The following STUM variants were observed in gnomAD, a reference collection of about 807,000 sequenced individuals.
The protein encoded by STUM is protein stum homolog.
STUM carries 8 observed loss-of-function variants against 15.3 expected under a neutral mutation model. The observed-to-expected ratio is 0.52, with a 90% CI of 0.31 to 0.94. The LOEUF is 0.94. STUM is among the 40% of genes least tolerant of loss of function. STUM has a pLI of 0.05. For synonymous variants in STUM, 78 were observed against 88.7 expected (o/e 0.88, Z 0.68); for missense variants, 142 against 204.9 (o/e 0.69, Z 1.87).
chr1:226,600,685 G>A lies in STUM; in HGVS notation c.391+11G>A, dbSNP rs776737404. ...CTGCAGTTTCCCAAGGTGAGTCTGC[G>A]GATGGACGTGCGGGCCTCGTGCTGC... On this transcript the variant is annotated intron_variant, in intron 3 of 3. Coordinates refer to ENST00000366788, the MANE Select transcript of STUM (RefSeq NM_001003665.4). The surrounding 1 kb of genome is among the most constrained non-coding windows in gnomAD (Gnocchi z 5.2). 22 of 1,610,378 alleles carry A rather than the reference G, an allele frequency of 1.4e-5. No homozygotes were observed. Among genetic ancestry groups the A allele is most frequent in the Non-Finnish European group, 1.6e-5 (19 of 1,180,000 alleles).
At chr1:226,601,761 C>T (rs1283470291) in intron 3 of STUM, among the ~76,000 whole-genome samples, 1 of 152,186 alleles carries the variant, frequency 6.6e-6, no homozygotes, top group Non-Finnish European at 1.5e-5. Flanking sequence ...CTTTTAGCTC[C>T]CACCCCAAAT....
chr1:226,592,911 C>T (rs180770909), intron 1 of STUM, among the ~76,000 whole-genome samples: 43 of 152,264 alleles, frequency 2.8e-4, no homozygotes, highest in African/African-American at 8.2e-4. Context: ...GCCACTTGGG[C>T]GCGGTGGCTC....
chr1:226,560,349 C>T (rs1367496370), intron 1 of STUM, among the ~76,000 whole-genome samples: 1 of 152,092 alleles, frequency 6.6e-6, no homozygotes, highest in Non-Finnish European at 1.5e-5. Context: ...ACCTTTTTGC[C>T]GTTGCTGTCT....
chr1:226,601,070 C>G (rs1002469199), intron 3 of STUM, among the ~76,000 whole-genome samples: 1 of 152,114 alleles, frequency 6.6e-6, no homozygotes, highest in East Asian at 1.9e-4. Flanking sequence ...AATAACCGCT[C>G]GGCAAATTCT....
At chr1:226,577,385 T>A (rs1019744063) in intron 1 of STUM, among the ~76,000 whole-genome samples, 3 of 152,056 alleles carry the variant, frequency 2.0e-5, no homozygotes, top group Non-Finnish European at 4.4e-5. Flanking sequence ...AGAAATCTAG[T>A]ACAGCTCGAG....
Position 226,609,219 on chromosome 1 carries a change from T to A in STUM, c.*7179T>A, listed in dbSNP as rs971588615. On this transcript the variant is annotated 3_prime_UTR_variant, in exon 4 of 4. Transcript: ENST00000366788. ...ATAAACATTCATGTGACCTTTCTGGTAGTTTCTCAAATCCCTGTGTCCTCC... is the reference window on the plus strand; with the variant it reads ...ATAAACATTCATGTGACCTTTCTGGAAGTTTCTCAAATCCCTGTGTCCTCC... 6.6e-6 allele frequency: 1 copy of A among 152,186 alleles called. No individual in the cohort carries two copies. The highest frequency in any genetic ancestry group is 2.4e-5 in the African/African-American group (1 of 41,430). The allele number at this position is 152,186 out of a possible 1,614,324, so 9.4% of individuals were successfully genotyped here. A position where few individuals can be genotyped will look rare whatever the true frequency, so the allele number is the denominator to read the frequency against.
Position 226,567,251 on chromosome 1 carries a change from C to T in STUM, c.202+18145C>T, listed in dbSNP as rs750300131. Among the ~76,000 whole-genome samples the T allele has an allele frequency of 2.0e-4, 31 of 152,162 alleles. No individual in the cohort carries two copies. Among genetic ancestry groups the T allele is most frequent in the Non-Finnish European group, 4.0e-4 (27 of 68,028 alleles). ...TTTCAAAAAGCCTTTGAAGACTGTCCGTCCTGGAGCTATCCAACGGGTGGT... is the reference window on the plus strand; with the variant it reads ...TTTCAAAAAGCCTTTGAAGACTGTCTGTCCTGGAGCTATCCAACGGGTGGT... On this transcript the variant is annotated intron_variant, in intron 1 of 3. Coordinates refer to ENST00000366788, the MANE Select transcript of STUM (RefSeq NM_001003665.4). This position sits in a 1 kb window ranked among gnomAD's most constrained non-coding sequence, Gnocchi z 4.5.
At chr1:226,595,031 G>A (rs1362086770) in intron 1 of STUM, among the ~76,000 whole-genome samples, 1 of 152,162 alleles carries the variant, frequency 6.6e-6, no homozygotes, top group African/African-American at 2.4e-5. Context: ...GGTTGACTGC[G>A]AGCTGCAGAG....
chr1:226,561,066 C>G (rs949251708), intron 1 of STUM, among the ~76,000 whole-genome samples: 1 of 152,134 alleles, frequency 6.6e-6, no homozygotes. Context: ...TGCCCTCTTC[C>G]GAAAGCCTTT....
chr1:226,602,350 T>G lies in STUM; in HGVS notation c.*310T>G. 5.1e-6 allele frequency: 2 copies of G among 393,896 alleles called. No individual in the cohort carries two copies. The highest frequency in any genetic ancestry group is 9.4e-6 in the Non-Finnish European group (2 of 213,564). 24.4% of individuals were successfully genotyped at this position (393,896 alleles called of 1,614,324 possible). On this transcript the variant is annotated 3_prime_UTR_variant, in exon 4 of 4. Coordinates refer to ENST00000366788, the MANE Select transcript of STUM (RefSeq NM_001003665.4). ...CGGCAGGCTCCAACTGGCCTTGCTG[T>G]ACCCACTGCCCACCGCAAAGGCACG...
intron 3 of STUM, among the ~76,000 whole-genome samples, chr1:226,601,147 G>C (rs912694137): frequency 1.3e-5 from 2 of 151,562 alleles, no homozygotes; most frequent in African/African-American, 4.9e-5. Flanking sequence ...CTTCTTTTGA[G>C]ACAGAGTCTT....
At chr1:226,564,847 C>T (rs989020510) in intron 1 of STUM, among the ~76,000 whole-genome samples, 1 of 152,182 alleles carries the variant, frequency 6.6e-6, no homozygotes, top group South Asian at 2.1e-4. Context: ...AGCGCTTAGC[C>T]TGATGCATCT....
intron 1 of STUM, among the ~76,000 whole-genome samples, chr1:226,581,119 T>G (rs1015301507): frequency 6.6e-6 from 1 of 152,220 alleles, no homozygotes; most frequent in Non-Finnish European, 1.5e-5. Context: ...GGATTTAGTT[T>G]GGAGATGACC....
rs1668252023 is a variant in STUM, at chr1:226,600,837, G to T, written c.391+163G>T. 6.6e-6 allele frequency among the ~76,000 whole-genome samples: 1 copy of T among 151,852 alleles called. No individual in the cohort carries two copies. The highest frequency in any genetic ancestry group is 1.5e-5 in the Non-Finnish European group (1 of 68,024). On this transcript the variant is annotated intron_variant, in intron 3 of 3. Coordinates refer to ENST00000366788, the MANE Select transcript of STUM (RefSeq NM_001003665.4). This position sits in a 1 kb window ranked among gnomAD's most constrained non-coding sequence, Gnocchi z 5.2. The stretch of plus-strand genomic sequence containing the variant: ...TTGGTTTGGAAAATGCTTAAACATA[G>T]ACAAAAGTAGAGCCCCTAGTAAAAT...
At chr1:226,560,956 T>C (rs1028000239) in intron 1 of STUM, among the ~76,000 whole-genome samples, 23 of 152,286 alleles carry the variant, frequency 1.5e-4, no homozygotes, top group Non-Finnish European at 3.1e-4. Context: ...TGTAGGCCTT[T>C]ATTTGGGAGC....
At chr1:226,579,775 A>G in intron 1 of STUM, among the ~76,000 whole-genome samples, 1 of 152,014 alleles carries the variant, frequency 6.6e-6, no homozygotes, top group South Asian at 2.1e-4. Context: ...CTACAGGCAC[A>G]TGCCACTGCC....
chr1:226,596,007 TG>T (rs902207991), intron 1 of STUM, among the ~76,000 whole-genome samples: 4 of 152,144 alleles, frequency 2.6e-5, no homozygotes, highest in Non-Finnish European at 5.9e-5. Flanking sequence ...TCTGCACGGT[TG>T]TTGTCAGGAG....
intron 1 of STUM, among the ~76,000 whole-genome samples, chr1:226,590,077 T>C (rs1668061328): frequency 8.4e-6 from 1 of 118,364 alleles, no homozygotes. Flanking sequence ...AAACTTTGCT[T>C]TGGATCCCTT....
intron 1 of STUM, among the ~76,000 whole-genome samples, chr1:226,561,027 C>T (rs1168240218): frequency 6.6e-6 from 1 of 152,156 alleles, no homozygotes; most frequent in Non-Finnish European, 1.5e-5. Context: ...CTGTCTAACT[C>T]CTAACCAGCC....
Sources: allele counts gnomAD v4.1 joint callset (sites outside exome capture counted in the v4.1 genomes callset), GRCh38; gene constraint gnomAD v4.1.1; non-coding constraint Gnocchi (gnomAD v3.1); transcripts MANE v1.5; gene names NCBI Gene and HGNC (gene_info 2026-07-23, HGNC 2026-07-21).